Variants in DYM observed in about 807,000 individuals in gnomAD.
DYM encodes dyggve-Melchior-Clausen syndrome protein.
Under a neutral mutation model 93.1 loss-of-function variants are expected in DYM, and 78 were observed. The ratio of observed to expected loss-of-function variants is 0.84; its 90% confidence interval spans 0.70 to 1.01. The LOEUF (loss-of-function observed/expected upper bound fraction) is 1.01, where lower values mean the gene tolerates loss of function less well. Among genes scored for constraint, DYM ranks in the 50% least tolerant of loss-of-function variants. The pLI, the probability that DYM is intolerant of heterozygous loss-of-function variation, is 0.00. For missense variants in DYM, 789 were observed against 845.0 expected (o/e 0.93, Z 0.82); for synonymous variants, 321 against 319.7 (o/e 1.00, Z -0.04).
chr18:49,079,405 T>TA (rs796993725), intron 17 of DYM, among the ~76,000 whole-genome samples: 2,034 of 150,498 alleles, frequency 0.014, 23 homozygotes, highest in South Asian at 0.043. Flanking sequence ...TTTTTTTTTT[T>TA]TTTATTTTTA....
chr18:49,375,136 T>C (rs992961649), intron 5 of DYM, among the ~76,000 whole-genome samples: 8 of 151,162 alleles, frequency 5.3e-5, no homozygotes, highest in Non-Finnish European at 7.4e-5. Context: ...GAAATACTCG[T>C]GGGGCAGCCC....
rs139875112 is a variant in DYM at position 49,274,433 on chromosome 18, T to C, written c.1126-2130A>G. On this transcript the variant is annotated intron_variant, in intron 10 of 17. Coordinates refer to ENST00000675505, the MANE Select transcript of DYM (RefSeq NM_001353214.3). ...AACTGTTTCCACTTTTTTGCTATTATGAACAATGCTTCTATAAACATTCAT... is the reference window on the plus strand; with the variant it reads ...AACTGTTTCCACTTTTTTGCTATTACGAACAATGCTTCTATAAACATTCAT... 9.8e-5 allele frequency among the ~76,000 whole-genome samples: 15 copies of C among 152,314 alleles called. No homozygotes were observed. In the East Asian group the frequency reaches 2.5e-3, roughly 25 times the overall value.
intron 11 of DYM, among the ~76,000 whole-genome samples, chr18:49,270,177 C>T (rs1324022197): frequency 6.6e-6 from 1 of 152,184 alleles, no homozygotes; most frequent in Non-Finnish European, 1.5e-5. Context: ...ATGATAAAAT[C>T]GCCTAAGGAC....
At chr18:49,169,955 G>A (rs1041233380) in intron 14 of DYM, among the ~76,000 whole-genome samples, 5 of 152,256 alleles carry the variant, frequency 3.3e-5, no homozygotes, top group African/African-American at 4.8e-5. Flanking sequence ...AGCATGGAGC[G>A]GGAAAGAAGG....
chr18:49,158,855 T>A (rs2086744266), intron 15 of DYM, among the ~76,000 whole-genome samples: 1 of 152,104 alleles, frequency 6.6e-6, no homozygotes, highest in Non-Finnish European at 1.5e-5. Flanking sequence ...AACAGGGTGA[T>A]TACAGCTAAC....
At chr18:49,267,963 TACA>T (rs1264386774) in intron 11 of DYM, among the ~76,000 whole-genome samples, 1 of 152,186 alleles carries the variant, frequency 6.6e-6, no homozygotes, top group Non-Finnish European at 1.5e-5. Flanking sequence ...ACTACAGTTT[TACA>T]ACTACAGTTG....
At chr18:49,099,345 T>G (rs1316683992) in intron 16 of DYM, among the ~76,000 whole-genome samples, 1 of 152,154 alleles carries the variant, frequency 6.6e-6, no homozygotes, top group African/African-American at 2.4e-5. Flanking sequence ...CTTGTGAAAT[T>G]CTGATCCCAG....
chr18:49,130,036 C>T (rs1233494379), intron 15 of DYM, among the ~76,000 whole-genome samples: 2 of 152,144 alleles, frequency 1.3e-5, no homozygotes, highest in Admixed American at 6.6e-5. Context: ...GGATCCTATA[C>T]GCATACCAAT....
At position 49,147,216 on chromosome 18, in the gene DYM, G is replaced by C. The variant is rs1003535540; in HGVS notation, c.1728+16469C>G. On this transcript the variant is annotated intron_variant, in intron 15 of 17. Coordinates refer to ENST00000675505, the MANE Select transcript of DYM (RefSeq NM_001353214.3). ...TAATTCAAGATGGATTAAAGACTTA[G>C]ATGTTAGACCTAAAACCATAAAAAC... 6.3e-3 allele frequency among the ~76,000 whole-genome samples: 959 copies of C among 151,954 alleles called. 4 individuals carry two copies. The highest frequency in any genetic ancestry group is 0.011 in the African/African-American group (457 of 41,462).
intron 11 of DYM, among the ~76,000 whole-genome samples, chr18:49,264,255 C>A (rs537477207): frequency 1.3e-5 from 2 of 152,006 alleles, no homozygotes; most frequent in Non-Finnish European, 2.9e-5. Context: ...AGTGAAAATT[C>A]TTTCAAATAT....
intron 8 of DYM, among the ~76,000 whole-genome samples, chr18:49,318,967 AT>A (rs887466724): frequency 5.3e-4 from 77 of 143,994 alleles, no homozygotes; most frequent in Non-Finnish European, 4.6e-4. Context: ...CGCCCAACTA[AT>A]TTTTTTTTTT....
intron 8 of DYM, among the ~76,000 whole-genome samples, chr18:49,289,741 A>ATGTGTG (rs1285302438): frequency 6.9e-5 from 2 of 29,110 alleles, no homozygotes; most frequent in Non-Finnish European, 1.2e-4. Context: ...ATATATATAT[A>ATGTGTG]TATATATATA....
intron 11 of DYM, among the ~76,000 whole-genome samples, chr18:49,264,883 A>G (rs1415218113): frequency 6.6e-6 from 1 of 152,222 alleles, no homozygotes; most frequent in Non-Finnish European, 1.5e-5. Context: ...CCATACCTCT[A>G]TAATCTGGAG....
chr18:49,316,197 G>A (rs568451431), intron 8 of DYM, among the ~76,000 whole-genome samples: 5 of 152,218 alleles, frequency 3.3e-5, no homozygotes, highest in African/African-American at 1.2e-4. Context: ...CAGGAGAATC[G>A]CTTGAACCTG....
At chr18:49,243,894 T>C (rs901724278) in intron 13 of DYM, among the ~76,000 whole-genome samples, 6 of 152,166 alleles carry the variant, frequency 3.9e-5, no homozygotes, top group Non-Finnish European at 2.9e-5. Context: ...CTTCTGAATT[T>C]CCAGGACTAA....
intron 17 of DYM, among the ~76,000 whole-genome samples, chr18:49,046,095 CACA>C (rs2071470854): frequency 6.6e-6 from 1 of 151,944 alleles, no homozygotes; most frequent in African/African-American, 2.4e-5. Context: ...CACACACACA[CACA>C]CACCCACACC....
intron 6 of DYM, among the ~76,000 whole-genome samples, chr18:49,338,716 T>C (rs1368473469): frequency 6.6e-6 from 1 of 152,192 alleles, no homozygotes; most frequent in Non-Finnish European, 1.5e-5. Flanking sequence ...TATTTCATAA[T>C]GACAGATCCC....
chr18:49,103,279 T>C (rs357876), intron 16 of DYM, among the ~76,000 whole-genome samples: 103,117 of 151,968 alleles, frequency 0.68, 38,386 homozygotes, highest in Non-Finnish European at 0.83. Flanking sequence ...TTCTTGTAAA[T>C]TTGTTTGAGT....
chr18:49,178,465 C>T (rs777657181), intron 14 of DYM, among the ~76,000 whole-genome samples: 1 of 152,094 alleles, frequency 6.6e-6, no homozygotes, highest in Non-Finnish European at 1.5e-5. Flanking sequence ...GATCTCTATC[C>T]CAAATACTTT....
Sources: gnomAD v4.1 joint callset for allele counts (sites outside exome capture counted in the v4.1 genomes callset) on GRCh38, gnomAD v4.1.1 for gene constraint, MANE v1.5 for transcripts, NCBI Gene and HGNC (gene_info 2026-07-23, HGNC 2026-07-21) for gene names.